Variants in DISP1 observed in about 807,000 individuals in gnomAD.
DISP1 encodes dispatched RND transporter family member 1.
DISP1 carries 30 observed loss-of-function variants against 37.3 expected under a neutral mutation model. The observed-to-expected ratio is 0.80, with a 90% CI of 0.60 to 1.09. The LOEUF (loss-of-function observed/expected upper bound fraction) is 1.09. Ranked by LOEUF, DISP1 falls within the 50% of genes least tolerant of loss-of-function variation. The probability of loss-of-function intolerance (pLI) is 0.00; values close to 1 mark genes in which losing one functional copy is unlikely to be tolerated. For synonymous variants in DISP1, 634 were observed against 690.2 expected (o/e 0.92, Z 1.28); for missense variants, 1,598 against 1,879.5 (o/e 0.85, Z 2.77).
intron 1 of DISP1, among the ~76,000 whole-genome samples, chr1:222,846,227 C>G (rs1381736508): frequency 3.3e-5 from 5 of 152,236 alleles, no homozygotes; most frequent in Non-Finnish European, 7.3e-5. Context: ...TGTGGTGGAT[C>G]ATGCCTGTAA....
At chr1:222,976,666 T>A (rs1017192336) in intron 3 of DISP1, among the ~76,000 whole-genome samples, 2 of 152,050 alleles carry the variant, frequency 1.3e-5, no homozygotes, top group African/African-American at 4.8e-5. Context: ...TAGTTGTTTC[T>A]CTCCAGGGAG....
intron 1 of DISP1, among the ~76,000 whole-genome samples, chr1:222,863,097 C>G (rs933884553): frequency 6.6e-6 from 1 of 152,192 alleles, no homozygotes; most frequent in Non-Finnish European, 1.5e-5. Context: ...AGATGCTGTG[C>G]TGTTCTCAGT....
chr1:222,894,069 T>C (rs1671097032), intron 1 of DISP1, among the ~76,000 whole-genome samples: 1 of 152,142 alleles, frequency 6.6e-6, no homozygotes, highest in Admixed American at 6.5e-5. Flanking sequence ...CCCATGTCTG[T>C]GTGAATCTGA....
chr1:222,888,179 C>T (rs1670738554), intron 1 of DISP1, among the ~76,000 whole-genome samples: 1 of 152,120 alleles, frequency 6.6e-6, no homozygotes, highest in African/African-American at 2.4e-5. Flanking sequence ...ACAACATAGT[C>T]CTACTTGAGT....
At chr1:222,841,677 T>C (rs1667617336) in intron 1 of DISP1, among the ~76,000 whole-genome samples, 1 of 152,200 alleles carries the variant, frequency 6.6e-6, no homozygotes, top group African/African-American at 2.4e-5. Flanking sequence ...GTACTTGTCT[T>C]TTATCATCAA....
At chr1:222,994,680 G>C (rs192326552) in intron 7 of DISP1, among the ~76,000 whole-genome samples, 19 of 151,934 alleles carry the variant, frequency 1.3e-4, no homozygotes, top group African/African-American at 4.1e-4. Context: ...GTAGACAAAG[G>C]CTTTGCGCTA....
In DISP1 at chr1:222,959,230, T is replaced by A. The variant is rs549262296; in HGVS notation, c.509+15898T>A. 6.6e-5 allele frequency among the ~76,000 whole-genome samples: 10 copies of A among 152,312 alleles called. No individual in the cohort carries two copies. The East Asian group carries it at 1.9e-3, about 29-fold the overall frequency. ...GTGAAGTAAGTGGACTTTAATGGCA[T>A]AAAATTGCAATTAAAATCTATAACA... On this transcript the variant is annotated intron_variant, in intron 3 of 8. Transcript: ENST00000675850.
intron 1 of DISP1, among the ~76,000 whole-genome samples, chr1:222,919,777 T>C (rs950347581): frequency 6.6e-6 from 1 of 152,206 alleles, no homozygotes; most frequent in African/African-American, 2.4e-5. Flanking sequence ...CTAACCCTAC[T>C]AGCCCTAATG....
intron 1 of DISP1, among the ~76,000 whole-genome samples, chr1:222,888,170 C>T (rs1163717294): frequency 1.3e-5 from 2 of 152,174 alleles, no homozygotes; most frequent in Non-Finnish European, 2.9e-5. Context: ...TGAAATATCA[C>T]AACATAGTCC....
At chr1:222,991,764 C>A in intron 6 of DISP1, 117 bp downstream of exon 6, 2 of 1,214,400 alleles carry the variant, frequency 1.6e-6, no homozygotes, top group Non-Finnish European at 1.2e-6. Flanking sequence ...AAAATCTTTG[C>A]CACTGAATTT....
chr1:222,820,612 T>A (rs1057447813), intron 1 of DISP1, among the ~76,000 whole-genome samples: 1 of 152,202 alleles, frequency 6.6e-6, no homozygotes, highest in Non-Finnish European at 1.5e-5. Context: ...CAGGCATGAA[T>A]TTGAGCTGAA....
intron 3 of DISP1, among the ~76,000 whole-genome samples, chr1:222,956,894 T>C (rs932210079): frequency 2.0e-5 from 3 of 152,140 alleles, no homozygotes; most frequent in Admixed American, 6.5e-5. Flanking sequence ...CATACAGGGC[T>C]CACAGCAACA....
chr1:222,865,719 C>T (rs1669146706), intron 1 of DISP1, among the ~76,000 whole-genome samples: 1 of 152,076 alleles, frequency 6.6e-6, no homozygotes, highest in African/African-American at 2.4e-5. Flanking sequence ...TTCCCTGTTC[C>T]TTATTTTGGT....
chr1:222,972,779 T>C (rs1297818570), intron 3 of DISP1, among the ~76,000 whole-genome samples: 1 of 152,184 alleles, frequency 6.6e-6, no homozygotes, highest in Non-Finnish European at 1.5e-5. Context: ...ACCTATACGT[T>C]ATAATTACTT....
chr1:222,889,121 T>G (rs1316568614), intron 1 of DISP1, among the ~76,000 whole-genome samples: 1 of 152,078 alleles, frequency 6.6e-6, no homozygotes, highest in Non-Finnish European at 1.5e-5. Flanking sequence ...ACTTTATAAT[T>G]TGGGTGGAGT....
At chr1:222,871,275 C>T (rs1243708957) in intron 1 of DISP1, among the ~76,000 whole-genome samples, 1 of 152,116 alleles carries the variant, frequency 6.6e-6, no homozygotes, top group Non-Finnish European at 1.5e-5. Context: ...GCAATGTGGG[C>T]TCTTTTTTGG....
intron 3 of DISP1, among the ~76,000 whole-genome samples, chr1:222,954,278 A>G (rs574704449): frequency 1.3e-5 from 2 of 152,312 alleles, no homozygotes; most frequent in East Asian, 1.9e-4. Context: ...TTAAAGGACA[A>G]TTTTGATTGC....
intron 1 of DISP1, among the ~76,000 whole-genome samples, chr1:222,895,218 G>A (rs1671181261): frequency 6.6e-6 from 1 of 152,212 alleles, no homozygotes; most frequent in African/African-American, 2.4e-5. Flanking sequence ...GACCAGGGAT[G>A]AGCCTAAGGA....
chr1:222,883,465 A>C (rs1042898549), intron 1 of DISP1, among the ~76,000 whole-genome samples: 2 of 152,180 alleles, frequency 1.3e-5, no homozygotes, highest in African/African-American at 4.8e-5. Flanking sequence ...TAAAAATACA[A>C]AAATTGTTGG....
Sources: allele counts gnomAD v4.1 joint callset (sites outside exome capture counted in the v4.1 genomes callset), GRCh38; gene constraint gnomAD v4.1.1; transcripts MANE v1.5; gene names NCBI Gene and HGNC (gene_info 2026-07-23, HGNC 2026-07-21).